Variants in CCDC57 observed in about 807,000 individuals in gnomAD.
CCDC57 encodes coiled-coil domain containing 57, also known as coiled-coil domain-containing protein 57.
CCDC57 carries 118 observed loss-of-function variants against 118.9 expected under a neutral mutation model. The ratio of observed to expected loss-of-function variants is 0.99; its 90% CI spans 0.86 to 1.16. The LOEUF is 1.16. Among genes scored for constraint, CCDC57 ranks in the 50% most tolerant of loss-of-function variants. The pLI, the probability that CCDC57 is intolerant of heterozygous loss-of-function variation, is 0.00. For synonymous variants in CCDC57, 527 were observed against 532.9 expected, an observed-to-expected ratio of 0.99 and a Z score of 0.15; for missense variants, 1,300 against 1,320.7, an observed-to-expected ratio of 0.98 and a Z score of 0.24.
intron 16 of CCDC57, among the ~76,000 whole-genome samples, chr17:82,147,381 T>C (rs1266849213): frequency 1.4e-5 from 2 of 146,316 alleles, no homozygotes; most frequent in African/African-American, 5.1e-5. Flanking sequence ...GCTAATTGGA[T>C]ACATGGGTGG....
chr17:82,171,604 A>C, intron 13 of CCDC57, 97 bp downstream of exon 12: 1 of 1,340,032 alleles, frequency 7.5e-7, no homozygotes, highest in Non-Finnish European at 1.0e-6. Context: ...CGTCTGCAGT[A>C]GCCTTGAGCT....
chr17:82,113,704 G>A (rs751854605), intron 19 of CCDC57: 38 of 712,820 alleles, frequency 5.3e-5, no homozygotes, highest in South Asian at 1.9e-4. Flanking sequence ...AGGCCAAGGC[G>A]GCAGGACTGC....
At chr17:82,113,647 C>T (rs758508852) in intron 19 of CCDC57, 57 of 717,248 alleles carry the variant, frequency 7.9e-5, no homozygotes, top group South Asian at 4.1e-4. Context: ...CTCCACTCCA[C>T]GCCAGGCTGG....
chr17:82,145,951 T>C (rs1422363255), intron 16 of CCDC57: 1 of 329,632 alleles, frequency 3.0e-6, no homozygotes, highest in African/African-American at 2.3e-5. Flanking sequence ...GCCATCTATA[T>C]GGGCACCGGC....
intron 8 of CCDC57, among the ~76,000 whole-genome samples, chr17:82,184,589 C>A (rs964880920): frequency 2.0e-5 from 3 of 152,204 alleles, no homozygotes; most frequent in African/African-American, 7.2e-5. Context: ...CCCTGTTTCC[C>A]TAAGAGATGG....
intron 19 of CCDC57, among the ~76,000 whole-genome samples, chr17:82,109,413 A>G (rs2035091800): frequency 6.6e-6 from 1 of 152,250 alleles, no homozygotes; most frequent in Admixed American, 6.5e-5. Flanking sequence ...GAAAAACTTG[A>G]TTTCTCCCAT....
intron 16 of CCDC57, among the ~76,000 whole-genome samples, chr17:82,142,754 T>C (rs2040188017): frequency 6.6e-6 from 1 of 152,236 alleles, no homozygotes; most frequent in South Asian, 2.1e-4. Flanking sequence ...TCAATACGTA[T>C]ATTTAATATG....
At chr17:82,182,388 C>T (rs1369956219) in intron 9 of CCDC57, among the ~76,000 whole-genome samples, 2 of 150,530 alleles carry the variant, frequency 1.3e-5, no homozygotes, top group African/African-American at 4.9e-5. Context: ...CAGTCTCGCT[C>T]TGTTGCCCAG....
At chr17:82,148,538 T>G (rs1277801905) in intron 16 of CCDC57, among the ~76,000 whole-genome samples, 2 of 70,196 alleles carry the variant, frequency 2.8e-5, no homozygotes, top group African/African-American at 1.1e-4. Context: ...GATGAATGGG[T>G]GGGTGGATGG....
intron 17 of CCDC57, among the ~76,000 whole-genome samples, chr17:82,131,687 C>T (rs1019998291): frequency 2.6e-5 from 4 of 150,966 alleles, no homozygotes; most frequent in African/African-American, 7.3e-5. Flanking sequence ...GGGAGACAGA[C>T]GTTGCAATAA....
intron 2 of CCDC57, among the ~76,000 whole-genome samples, chr17:82,204,599 C>A (rs575630367): frequency 6.6e-6 from 1 of 152,118 alleles, no homozygotes; most frequent in East Asian, 1.9e-4. Context: ...CTGGCTAACA[C>A]GGTGAAACCC....
chr17:82,111,445 C>T (rs2035237069), intron 19 of CCDC57, among the ~76,000 whole-genome samples: 2 of 143,736 alleles, frequency 1.4e-5, no homozygotes, highest in African/African-American at 2.6e-5. Context: ...GTGGCGTGAT[C>T]GTGGCTCACT....
chr17:82,113,236 T>C (rs1159666541), intron 19 of CCDC57: 1 of 608,102 alleles, frequency 1.6e-6, no homozygotes, highest in East Asian at 2.7e-5. Flanking sequence ...GGGGCTGGGG[T>C]TGTCCGTGCC....
chr17:82,193,930 G>A lies in CCDC57; in HGVS notation c.776+52C>T, dbSNP rs369798359. On this transcript the variant is annotated intron_variant, in intron 6 of 19. Coordinates refer to ENST00000665763, the Ensembl canonical transcript of CCDC57. ...GTAGAATCCCCCAGACTCCAGTCCT[G>A]GCCTGCGAGGCTGCCACAGAGCACG... is the stretch of plus-strand genomic sequence containing the variant. 135 of 1,582,262 alleles carry A rather than the reference G, an allele frequency of 8.5e-5. 2 individuals carry two copies. The East Asian group carries it at 1.8e-3, about 21-fold the overall frequency.
intron 4 of CCDC57, among the ~76,000 whole-genome samples, chr17:82,196,018 G>C (rs1311229508): frequency 6.6e-6 from 1 of 152,220 alleles, no homozygotes; most frequent in African/African-American, 2.4e-5. Context: ...AACGAGCCCT[G>C]CTGAGTCTGA....
chr17:82,175,876 G>A (rs556352902), intron 11 of CCDC57, among the ~76,000 whole-genome samples: 56 of 152,250 alleles, frequency 3.7e-4, no homozygotes, highest in Admixed American at 9.2e-4. Context: ...AACTCCTATC[G>A]GTACTTGGTA....
chr17:82,138,661 G>GGGTCGGAAGAGACGCGTGGCCTGCCCCC (rs2039603570), intron 16 of CCDC57, among the ~76,000 whole-genome samples: 4 of 147,510 alleles, frequency 2.7e-5, no homozygotes, highest in African/African-American at 7.9e-5. Context: ...GGCCTGCCCC[G>GGGTCGGAAGAGACGCGTGGCCTGCCCCC]GGTCGGAAGA....
intron 1 of CCDC57, among the ~76,000 whole-genome samples, chr17:82,210,345 T>A (rs961831056): frequency 6.6e-6 from 1 of 152,034 alleles, no homozygotes; most frequent in African/African-American, 2.4e-5. Flanking sequence ...GAAACACTCA[T>A]GGGTGCTAAA....
At chr17:82,170,105 C>A (rs1267845967) in intron 13 of CCDC57, among the ~76,000 whole-genome samples, 1 of 152,180 alleles carries the variant, frequency 6.6e-6, no homozygotes, top group African/African-American at 2.4e-5. Flanking sequence ...CCAAAATTTA[C>A]GGGTTGAAGC....
Sources: gnomAD v4.1 joint callset for allele counts (sites outside exome capture counted in the v4.1 genomes callset) on GRCh38, gnomAD v4.1.1 for gene constraint, MANE v1.5 for transcripts, NCBI Gene and HGNC (gene_info 2026-07-23, HGNC 2026-07-21) for gene names.